The following ZDHHC20 variants were observed in gnomAD, a reference collection of about 807,000 sequenced individuals.
ZDHHC20 encodes the protein palmitoyltransferase ZDHHC20.
ZDHHC20 carries 43 observed loss-of-function variants against 57.8 expected under a neutral mutation model. The observed-to-expected ratio is 0.74, with a 90% CI of 0.58 to 0.96. The LOEUF is 0.96. Ranked by LOEUF, ZDHHC20 falls within the 40% of genes least tolerant of loss-of-function variation. The pLI, the probability that ZDHHC20 is intolerant of heterozygous loss-of-function variation, is 0.00. For synonymous variants in ZDHHC20, 157 were observed against 153.0 expected, an observed-to-expected ratio of 1.03 and a Z score of -0.19; for missense variants, 391 against 441.1, an observed-to-expected ratio of 0.89 and a Z score of 1.02.
rs151061649 is a variant in ZDHHC20, at chr13:21,423,628, C to T, written c.145+2024G>A. Reference sequence around the variant, plus strand: ...GGCAAATGTTGCAGTGAGCCGAGATCGTGCCACTGCACTCTAGCCTGAGCG... The same window carrying T: ...GGCAAATGTTGCAGTGAGCCGAGATTGTGCCACTGCACTCTAGCCTGAGCG... On this transcript the variant is annotated intron_variant, in intron 2 of 12. Coordinates refer to ENST00000400590, the MANE Select transcript of ZDHHC20 (RefSeq NM_001330059.2). Among the ~76,000 whole-genome samples the T allele has an allele frequency of 5.4e-3, 821 of 151,366 alleles. 13 individuals are homozygous for T. Among genetic ancestry groups the T allele is most frequent in the African/African-American group, 0.019 (783 of 41,232 alleles).
intron 4 of ZDHHC20, among the ~76,000 whole-genome samples, chr13:21,407,194 C>A (rs1878569090): frequency 6.6e-6 from 1 of 152,060 alleles, no homozygotes; most frequent in Non-Finnish European, 1.5e-5. Flanking sequence ...TGGGGTTTCA[C>A]CATGTTGGTC....
At chr13:21,436,232 T>C (rs1336908405) in intron 1 of ZDHHC20, among the ~76,000 whole-genome samples, 2 of 152,228 alleles carry the variant, frequency 1.3e-5, no homozygotes, top group Admixed American at 1.3e-4. Flanking sequence ...ACCTTGGGTG[T>C]TGATCAACAT....
intron 8 of ZDHHC20, among the ~76,000 whole-genome samples, chr13:21,391,227 A>G (rs954864270): frequency 3.9e-5 from 6 of 152,150 alleles, no homozygotes; most frequent in African/African-American, 1.2e-4. Context: ...TTGGCCTCCC[A>G]AAGTGCTGGG....
At chr13:21,387,745 A>T (rs1874832570) in intron 8 of ZDHHC20, 111 bp from the exon 9 acceptor site, 3 of 560,258 alleles carry the variant, frequency 5.4e-6, no homozygotes, top group Non-Finnish European at 8.1e-6. Context: ...CTGTAAATAT[A>T]ATTTAAAATA....
intron 1 of ZDHHC20, among the ~76,000 whole-genome samples, chr13:21,441,526 C>T (rs1883158871): frequency 7.0e-6 from 1 of 143,186 alleles, no homozygotes; most frequent in Non-Finnish European, 1.5e-5. Flanking sequence ...GCTGGGACTA[C>T]AGGCGCCCGC....
At chr13:21,432,119 T>C (rs2137960414) in intron 1 of ZDHHC20, among the ~76,000 whole-genome samples, 1 of 152,272 alleles carries the variant, frequency 6.6e-6, no homozygotes, top group African/African-American at 2.4e-5. Context: ...TCATTTCATA[T>C]TTTTTATTAT....
intron 3 of ZDHHC20, 116 bp from the exon 4 acceptor site, chr13:21,413,888 C>T (rs539877875): frequency 1.4e-5 from 10 of 737,958 alleles, no homozygotes; most frequent in South Asian, 7.7e-5. Context: ...GAAGACAAAA[C>T]TTGTCTTCAA....
intron 1 of ZDHHC20, among the ~76,000 whole-genome samples, chr13:21,443,838 A>G (rs1251338571): frequency 1.3e-5 from 2 of 152,194 alleles, no homozygotes; most frequent in Non-Finnish European, 2.9e-5. Context: ...ACATGTGGCT[A>G]TAGATAACAT....
At chr13:21,397,397 C>G (rs1448521540) in intron 7 of ZDHHC20, among the ~76,000 whole-genome samples, 1 of 151,308 alleles carries the variant, frequency 6.6e-6, no homozygotes, top group African/African-American at 2.4e-5. Flanking sequence ...CTCGGTGGCT[C>G]GCACCTGTAA....
chr13:21,447,718 G>A (rs1329758708), intron 1 of ZDHHC20, among the ~76,000 whole-genome samples: 1 of 107,056 alleles, frequency 9.3e-6, no homozygotes, highest in Non-Finnish European at 2.2e-5. Flanking sequence ...TCTGGGAAGT[G>A]AGGAGTGTCT....
chr13:21,392,798 T>C (rs1875981016), intron 7 of ZDHHC20, among the ~76,000 whole-genome samples: 1 of 152,352 alleles, frequency 6.6e-6, no homozygotes, highest in East Asian at 1.9e-4. Flanking sequence ...ATTGTGACAT[T>C]GATCTTTTTC....
At chr13:21,383,254 T>C (rs1214690698) in intron 9 of ZDHHC20, among the ~76,000 whole-genome samples, 1 of 152,044 alleles carries the variant, frequency 6.6e-6, no homozygotes, top group African/African-American at 2.4e-5. Flanking sequence ...CAGTGGGAGG[T>C]AAATGAATCA....
chr13:21,407,557 C>T (rs1266282256), intron 4 of ZDHHC20, among the ~76,000 whole-genome samples: 1 of 152,170 alleles, frequency 6.6e-6, no homozygotes, highest in Non-Finnish European at 1.5e-5. Context: ...CAAAAATTTT[C>T]TCCCATTCTG....
intron 3 of ZDHHC20, among the ~76,000 whole-genome samples, chr13:21,419,608 T>C (rs1880415925): frequency 6.6e-6 from 1 of 152,218 alleles, no homozygotes; most frequent in African/African-American, 2.4e-5. Context: ...CACACACATA[T>C]GACTATGACT....
intron 10 of ZDHHC20, among the ~76,000 whole-genome samples, chr13:21,382,573 G>A (rs1002534150): frequency 6.6e-5 from 10 of 152,018 alleles, no homozygotes; most frequent in African/African-American, 2.4e-4. Context: ...TAATTTATTT[G>A]CAAAAACATA....
At chr13:21,427,450 T>A (rs1881390531) in intron 1 of ZDHHC20, among the ~76,000 whole-genome samples, 1 of 152,138 alleles carries the variant, frequency 6.6e-6, no homozygotes, top group Admixed American at 6.6e-5. Context: ...AAATCTGAAT[T>A]TAAAATAACA....
chr13:21,404,566 C>G (rs749640952), intron 4 of ZDHHC20, among the ~76,000 whole-genome samples: 13 of 152,028 alleles, frequency 8.6e-5, no homozygotes, highest in Non-Finnish European at 5.9e-5. Context: ...TCCTGGCTAA[C>G]ATGGTGAAAC....
intron 3 of ZDHHC20, among the ~76,000 whole-genome samples, chr13:21,420,103 A>G (rs1167750611): frequency 6.6e-6 from 1 of 152,150 alleles, no homozygotes; most frequent in Non-Finnish European, 1.5e-5. Flanking sequence ...CCTGACCAAC[A>G]TGGGGAAATC....
chr13:21,459,023 C>G (rs9509740), intron 1 of ZDHHC20, 31 bp downstream of exon 1: 306,541 of 1,545,220 alleles, frequency 0.2, 34,617 homozygotes, highest in Non-Finnish European at 0.24. Context: ...GCGGCCCGCG[C>G]CCCGCCGCAG....
Sources: allele counts gnomAD v4.1 joint callset (sites outside exome capture counted in the v4.1 genomes callset), GRCh38; gene constraint gnomAD v4.1.1; transcripts MANE v1.5; gene names NCBI Gene and HGNC (gene_info 2026-07-23, HGNC 2026-07-21).